ITGB8: variants seen among roughly 807,000 people sequenced by gnomAD.
ITGB8 encodes integrin beta-8.
Under a neutral mutation model 89.5 loss-of-function variants are expected in ITGB8, and 30 were observed. The observed-to-expected ratio is 0.34, with a 90% CI of 0.25 to 0.45. The LOEUF (loss-of-function observed/expected upper bound fraction) is 0.45, where lower values mean the gene tolerates loss of function less well. Ranked by LOEUF, ITGB8 falls within the 20% of genes least tolerant of loss-of-function variation. ITGB8 has a pLI of 1.00. For missense variants in ITGB8, 836 were observed against 933.3 expected, an observed-to-expected ratio of 0.90 and a Z score of 1.36; for synonymous variants, 335 against 320.4, an observed-to-expected ratio of 1.05 and a Z score of -0.49.
chr7:20,348,845 G>A (rs1785016885), intron 1 of ITGB8, among the ~76,000 whole-genome samples: 1 of 152,208 alleles, frequency 6.6e-6, no homozygotes. Flanking sequence ...GCAAAGCACT[G>A]TTGGAACATT....
intron 7 of ITGB8, among the ~76,000 whole-genome samples, chr7:20,391,962 C>T (rs10231365): frequency 0.57 from 86,353 of 151,930 alleles, 25,145 homozygotes; most frequent in South Asian, 0.72. Context: ...CATTCAATAA[C>T]GGACCAAAAG....
intron 1 of ITGB8, among the ~76,000 whole-genome samples, chr7:20,354,550 C>G (rs1353102711): frequency 6.6e-6 from 1 of 152,056 alleles, no homozygotes; most frequent in Non-Finnish European, 1.5e-5. Flanking sequence ...TGAGAGTAAA[C>G]GAGCAGATAC....
chr7:20,373,669 T>C (rs1279431587), intron 3 of ITGB8, among the ~76,000 whole-genome samples: 2 of 152,218 alleles, frequency 1.3e-5, no homozygotes, highest in South Asian at 2.1e-4. Flanking sequence ...AATTAGGAAA[T>C]GTACTGGAGT....
rs191435324 is a variant in ITGB8 at position 20,359,015 on chromosome 7, A to T, written c.128-4622A>T. 2.0e-5 allele frequency among the ~76,000 whole-genome samples: 3 copies of T among 152,338 alleles called. No homozygotes were observed. In the East Asian group the frequency reaches 5.8e-4, roughly 29 times the overall value. The stretch of plus-strand genomic sequence containing the variant: ...GGTTAGGATAATGACCTCCAGCTAC[A>T]TCCACTGTGCTGCAAAGGACATGAT... On this transcript the variant is annotated intron_variant, in intron 1 of 13. Transcript: ENST00000222573.
chr7:20,331,226 A>C lies in ITGB8; in HGVS notation c.-581A>C. 1 of 230,612 alleles carries C rather than the reference A, an allele frequency of 4.3e-6. No homozygotes were observed. 14.3% of individuals were successfully genotyped at this position (230,612 alleles called of 1,614,324 possible). On this transcript the variant is annotated 5_prime_UTR_variant, in exon 1 of 14. Transcript: ENST00000222573. ...CCGCTGCTCCGCAGACGGGGCTGCA[A>C]AGCTGCAACTAATGGTGTTGGCCTC...
chr7:20,334,575 A>T (rs937685925), intron 1 of ITGB8, among the ~76,000 whole-genome samples: 59 of 152,286 alleles, frequency 3.9e-4, no homozygotes, highest in African/African-American at 1.3e-3. Flanking sequence ...TTATTTTGTG[A>T]CCATATCATT....
At chr7:20,393,869 A>C (rs1786964040) in intron 7 of ITGB8, among the ~76,000 whole-genome samples, 1 of 152,100 alleles carries the variant, frequency 6.6e-6, no homozygotes, top group South Asian at 2.1e-4. Context: ...CAGCTCTCAA[A>C]TGCTGGCCAG....
At chr7:20,369,098 C>T (rs2127949495) in intron 3 of ITGB8, among the ~76,000 whole-genome samples, 2 of 152,234 alleles carry the variant, frequency 1.3e-5, no homozygotes, top group Middle Eastern at 6.8e-3. Flanking sequence ...ATCATCTTTC[C>T]TGCAAATCTT....
intron 1 of ITGB8, among the ~76,000 whole-genome samples, chr7:20,332,925 C>CTTTTTTTTTTTTTTTTTTTTTTTTTTTTT (rs34506325): frequency 7.0e-6 from 1 of 142,988 alleles, no homozygotes. Flanking sequence ...GTCATACTTT[C>CTTTTTTTTTTTTTTTTTTTTTTTTTTTTT]TTTTTTTTTT....
chr7:20,382,920 C>G (rs1027759909), intron 6 of ITGB8, among the ~76,000 whole-genome samples: 1 of 152,134 alleles, frequency 6.6e-6, no homozygotes, highest in Non-Finnish European at 1.5e-5. Context: ...AAGAATAGAA[C>G]GAAATGTAAT....
chr7:20,396,936 G>A (rs1460637156), intron 8 of ITGB8, among the ~76,000 whole-genome samples: 1 of 152,050 alleles, frequency 6.6e-6, no homozygotes. Flanking sequence ...ACTTACTGGG[G>A]CTAACTACTC....
At chr7:20,377,743 A>G (rs1261784613) in intron 3 of ITGB8, among the ~76,000 whole-genome samples, 1 of 152,192 alleles carries the variant, frequency 6.6e-6, no homozygotes, top group Non-Finnish European at 1.5e-5. Context: ...GCATTACACT[A>G]AAGGGGTTGC....
intron 1 of ITGB8, among the ~76,000 whole-genome samples, chr7:20,343,052 G>A (rs1161950015): frequency 1.3e-5 from 2 of 152,146 alleles, no homozygotes; most frequent in African/African-American, 2.4e-5. Context: ...CAGTAGACAC[G>A]GCAGAGTTGA....
intron 1 of ITGB8, among the ~76,000 whole-genome samples, chr7:20,359,372 T>C (rs1263016750): frequency 6.6e-6 from 1 of 152,232 alleles, no homozygotes. Context: ...TATTGCAACA[T>C]CACTAGGCAA....
intron 1 of ITGB8, chr7:20,352,848 G>A (rs1785156239): frequency 6.6e-6 from 1 of 152,192 alleles, no homozygotes; most frequent in South Asian, 2.1e-4. Context: ...GCCCCTTTCA[G>A]GTTAAAAAGT....
Position 20,331,891 on chromosome 7 carries a change from G to C in ITGB8, c.85G>C (p.Ala29Pro). The C allele has an allele frequency of 6.2e-7, 1 of 1,614,180 alleles. No homozygotes were observed. Among genetic ancestry groups the C allele is most frequent in the Non-Finnish European group, 8.5e-7 (1 of 1,180,038 alleles). ...GCGAGGTCCCGCCTCGTTCCTCTGGGCAGCCTGGGTGTTTTCACTTGTTCT... is the reference window on the plus strand; with the variant it reads ...GCGAGGTCCCGCCTCGTTCCTCTGGCCAGCCTGGGTGTTTTCACTTGTTCT... ...DRRGPASFLW[A>P]AWVFSLVLGL... The change falls in exon 1 of 14, where the codon GCA becomes CCA. Residue 29 changes from alanine to proline, a missense_variant. By Grantham distance (27) the Ala-to-Pro change is conservative. Coordinates refer to ENST00000222573, the MANE Select transcript of ITGB8 (RefSeq NM_002214.3).
intron 7 of ITGB8, 60 bp downstream of exon 7, chr7:20,391,558 C>T: frequency 3.6e-6 from 3 of 822,676 alleles, no homozygotes; most frequent in Non-Finnish European, 5.7e-6. Flanking sequence ...GAAATTAAGA[C>T]ATTTCTTTAG....
intron 8 of ITGB8, 132 bp downstream of exon 8, chr7:20,395,117 A>G: frequency 1.7e-6 from 1 of 592,274 alleles, no homozygotes; most frequent in Non-Finnish European, 3.0e-6. Context: ...AGGAATCTGA[A>G]GTTCATCCCT....
intron 3 of ITGB8, among the ~76,000 whole-genome samples, chr7:20,369,418 G>A (rs1785839393): frequency 6.6e-6 from 1 of 152,142 alleles, no homozygotes; most frequent in African/African-American, 2.4e-5. Flanking sequence ...TCCACACAGG[G>A]CAGAGAGAAA....
Sources: gnomAD v4.1 joint callset for allele counts (sites outside exome capture counted in the v4.1 genomes callset) on GRCh38, gnomAD v4.1.1 for gene constraint, MANE v1.5 for transcripts, NCBI Gene and HGNC (gene_info 2026-07-23, HGNC 2026-07-21) for gene names.